Variants in ABCC4 observed in about 807,000 individuals in gnomAD.
ABCC4 encodes the protein ATP binding cassette subfamily C member 4 (PEL blood group), also known as ATP-binding cassette sub-family C member 4.
Under a neutral mutation model 168.5 loss-of-function variants are expected in ABCC4, and 102 were observed. The ratio of observed to expected loss-of-function variants is 0.61; its 90% CI spans 0.52 to 0.71. The LOEUF (loss-of-function observed/expected upper bound fraction) is 0.71. Among genes scored for constraint, ABCC4 ranks in the 30% least tolerant of loss-of-function variants. The probability of loss-of-function intolerance (pLI) is 0.00; values close to 1 mark genes in which losing one functional copy is unlikely to be tolerated. For missense variants in ABCC4, 1,402 were observed against 1,605.8 expected, an observed-to-expected ratio of 0.87 and a Z score of 2.17; for synonymous variants, 617 against 590.7, an observed-to-expected ratio of 1.04 and a Z score of -0.65.
At chr13:95,027,382 T>C (rs1004511295) in intron 30 of ABCC4, among the ~76,000 whole-genome samples, 1 of 152,190 alleles carries the variant, frequency 6.6e-6, no homozygotes, top group African/African-American at 2.4e-5. Flanking sequence ...ATATTACCAT[T>C]ACTATGAAAG....
intron 14 of ABCC4, among the ~76,000 whole-genome samples, chr13:95,168,428 G>C (rs919752664): frequency 3.9e-5 from 6 of 152,180 alleles, no homozygotes; most frequent in Admixed American, 1.3e-4. Flanking sequence ...TCAGTGGACA[G>C]ATTCCTCACT....
chr13:95,128,206 G>T (rs1003341674), intron 19 of ABCC4, among the ~76,000 whole-genome samples: 5 of 152,086 alleles, frequency 3.3e-5, no homozygotes, highest in African/African-American at 1.2e-4. Context: ...ATAACAATTC[G>T]ATGCCAATTA....
chr13:95,092,082 G>C (rs764286777), intron 20 of ABCC4, among the ~76,000 whole-genome samples: 2 of 152,094 alleles, frequency 1.3e-5, no homozygotes, highest in Non-Finnish European at 2.9e-5. Context: ...TTATCTAACA[G>C]TAAAAGGCCT....
At chr13:95,273,993 T>G (rs1046399795) in intron 1 of ABCC4, among the ~76,000 whole-genome samples, 1 of 152,050 alleles carries the variant, frequency 6.6e-6, no homozygotes, top group African/African-American at 2.4e-5. Context: ...CCACGTGACT[T>G]TCTCCTCCGT....
rs199711816 is a variant in ABCC4 at position 95,216,608 on chromosome 13, C to CAAA, written c.532-5830_532-5828dup. Among the ~76,000 whole-genome samples the CAAA allele has an allele frequency of 2.9e-3, 359 of 125,250 alleles. 3 individuals are homozygous for CAAA. Among genetic ancestry groups the CAAA allele is most frequent in the African/African-American group, 8.5e-3 (265 of 31,240 alleles). The allele number at this position is 125,250 out of a possible 152,430, so 82.2% of individuals were successfully genotyped here. A position where few individuals can be genotyped will look rare whatever the true frequency, so the allele number is the denominator to read the frequency against. On this transcript the variant is annotated intron_variant, in intron 4 of 30. Coordinates refer to ENST00000645237, the MANE Select transcript of ABCC4 (RefSeq NM_005845.5). ...GCAAAGAATGTGTGCAGGAAATTCA[C>CAAA]AAAAAAAAAAAAAAAAAAAAAAAAC...
intron 19 of ABCC4, among the ~76,000 whole-genome samples, chr13:95,158,242 C>T (rs1015255534): frequency 2.0e-5 from 3 of 152,088 alleles, no homozygotes; most frequent in East Asian, 1.9e-4. Context: ...CAGCAAGGGT[C>T]GCCCATTCAT....
In ABCC4 at chr13:95,020,469, G is replaced by A. The variant is rs981791096; in HGVS notation, c.*1106C>T. ...ACAAAAGGTCCCAGGAAGTATTGTGGTTTGTTGATTCATTCAACAGAAAGC... is the reference window on the plus strand; with the variant it reads ...ACAAAAGGTCCCAGGAAGTATTGTGATTTGTTGATTCATTCAACAGAAAGC... On this transcript the variant is annotated 3_prime_UTR_variant, in exon 31 of 31. Transcript: ENST00000645237. 1 of 152,462 alleles carries A rather than the reference G, an allele frequency of 6.6e-6. No individual in the cohort carries two copies. The highest frequency in any genetic ancestry group is 1.5e-5 in the Non-Finnish European group (1 of 68,022). 9.4% of individuals were successfully genotyped at this position (152,462 alleles called of 1,614,324 possible).
intron 20 of ABCC4, among the ~76,000 whole-genome samples, chr13:95,084,950 G>A (rs1276960465): frequency 6.6e-6 from 1 of 152,198 alleles, no homozygotes; most frequent in Non-Finnish European, 1.5e-5. Flanking sequence ...GTGATATCAC[G>A]GTCTATGGCT....
chr13:95,255,681 TCTA>T (rs1257124429), intron 1 of ABCC4, among the ~76,000 whole-genome samples: 1 of 152,214 alleles, frequency 6.6e-6, no homozygotes, highest in Admixed American at 6.5e-5. Context: ...CCCGCTTCAC[TCTA>T]CTACCTGTTG....
At chr13:95,146,114 G>A (rs1186330225) in intron 19 of ABCC4, among the ~76,000 whole-genome samples, 3 of 151,792 alleles carry the variant, frequency 2.0e-5, no homozygotes, top group African/African-American at 7.3e-5. Flanking sequence ...AGGAGACTGA[G>A]GCAGGATAAT....
intron 14 of ABCC4, chr13:95,170,280 T>C (rs4148499): frequency 0.037 from 13,925 of 371,580 alleles, 366 homozygotes; most frequent in East Asian, 0.091. Context: ...ATGGAAGAGG[T>C]AAACAAAAAG....
At chr13:95,154,455 G>A (rs1274115988) in intron 19 of ABCC4, among the ~76,000 whole-genome samples, 2 of 152,180 alleles carry the variant, frequency 1.3e-5, no homozygotes, top group Middle Eastern at 6.3e-3. Flanking sequence ...AAAAATCATA[G>A]TTTCTTTTAA....
chr13:95,221,121 G>A (rs891313192), intron 4 of ABCC4, among the ~76,000 whole-genome samples: 1 of 152,216 alleles, frequency 6.6e-6, no homozygotes, highest in African/African-American at 2.4e-5. Context: ...GATCCCACTT[G>A]GATGAGGTCC....
intron 19 of ABCC4, among the ~76,000 whole-genome samples, chr13:95,151,407 G>A (rs111748833): frequency 0.014 from 2,082 of 151,548 alleles, 43 homozygotes; most frequent in East Asian, 0.085. Context: ...CCCAGAGGGC[G>A]GAGGTTGCAA....
intron 11 of ABCC4, among the ~76,000 whole-genome samples, chr13:95,185,696 G>T (rs2038035650): frequency 6.6e-6 from 1 of 150,762 alleles, no homozygotes; most frequent in Non-Finnish European, 1.5e-5. Flanking sequence ...CCCAAAGAAG[G>T]TAACATAGTA....
intron 21 of ABCC4, among the ~76,000 whole-genome samples, chr13:95,076,915 G>A (rs114642607): frequency 0.025 from 3,863 of 151,612 alleles, 149 homozygotes; most frequent in African/African-American, 0.087. Context: ...GCACACCACC[G>A]TGCCTGGATA....
intron 14 of ABCC4, 142 bp downstream of exon 14, chr13:95,170,390 C>A: frequency 3.7e-6 from 2 of 539,028 alleles, no homozygotes; most frequent in Non-Finnish European, 6.5e-6. Flanking sequence ...GTAATAATGA[C>A]ATTTCTACAA....
chr13:95,037,573 C>T (rs755745833), intron 29 of ABCC4, among the ~76,000 whole-genome samples: 2 of 152,172 alleles, frequency 1.3e-5, no homozygotes, highest in African/African-American at 2.4e-5. Context: ...GATTTGAACC[C>T]GGGTGTAAAC....
intron 11 of ABCC4, among the ~76,000 whole-genome samples, chr13:95,178,319 A>G (rs1566496232): frequency 6.6e-6 from 1 of 152,248 alleles, no homozygotes; most frequent in Non-Finnish European, 1.5e-5. Flanking sequence ...GTAGCTTTTC[A>G]TAGCATTTAT....
Sources: allele counts gnomAD v4.1 joint callset (sites outside exome capture counted in the v4.1 genomes callset), GRCh38; gene constraint gnomAD v4.1.1; transcripts MANE v1.5; gene names NCBI Gene and HGNC (gene_info 2026-07-23, HGNC 2026-07-21).